Variants in GRIP1 observed in about 807,000 individuals in gnomAD.
The protein encoded by GRIP1 is glutamate receptor-interacting protein 1.
In GRIP1, 45 loss-of-function variants were observed where a neutral mutation model predicts 129.9. The observed-to-expected ratio is 0.35, with a 90% CI of 0.27 to 0.44. GRIP1 has a LOEUF of 0.44. Ranked by LOEUF, GRIP1 falls within the 20% of genes least tolerant of loss-of-function variation. The pLI is 1.00. For synonymous variants in GRIP1, 530 were observed against 520.8 expected, an observed-to-expected ratio of 1.02 and a Z score of -0.24; for missense variants, 1,196 against 1,396.8, an observed-to-expected ratio of 0.86 and a Z score of 2.29.
At chr12:66,553,690 G>A (rs982770758) in intron 2 of GRIP1, among the ~76,000 whole-genome samples, 14 of 151,984 alleles carry the variant, frequency 9.2e-5, no homozygotes, top group African/African-American at 2.7e-4. Context: ...TTGAATTGCC[G>A]ATGCCACCCC....
intron 23 of GRIP1, among the ~76,000 whole-genome samples, chr12:66,363,884 A>C (rs2054959096): frequency 6.6e-6 from 1 of 152,202 alleles, no homozygotes; most frequent in Non-Finnish European, 1.5e-5. Flanking sequence ...TGGCAGGAAT[A>C]AGTTCCGGTG....
At chr12:66,779,328 GAATTT>G (rs534693186) in intron 1 of GRIP1, among the ~76,000 whole-genome samples, 94 of 152,194 alleles carry the variant, frequency 6.2e-4, no homozygotes, top group African/African-American at 2.2e-3. Flanking sequence ...TTTAGTGGCT[GAATTT>G]ATTTTAATGG....
intron 1 of GRIP1, among the ~76,000 whole-genome samples, chr12:66,658,189 AG>A (rs1413733389): frequency 2.0e-5 from 3 of 152,242 alleles, no homozygotes; most frequent in Non-Finnish European, 4.4e-5. Flanking sequence ...TAAAGACAAA[AG>A]AAATCAATAA....
chr12:66,794,631 AT>A (rs958007205), intron 1 of GRIP1, among the ~76,000 whole-genome samples: 2 of 152,044 alleles, frequency 1.3e-5, no homozygotes, highest in African/African-American at 4.8e-5. Flanking sequence ...TGAGTTAGAC[AT>A]TTTCTCTCTT....
rs189736530 is a variant in GRIP1, at chr12:66,591,915, G to T, written c.136+4932C>A. Among the ~76,000 whole-genome samples, 88 of 152,208 alleles carry T rather than the reference G, an allele frequency of 5.8e-4. 3 individuals carry two copies. Among genetic ancestry groups the T allele is most frequent in the Admixed American group, 2.4e-3 (37 of 15,290 alleles). On this transcript the variant is annotated intron_variant, in intron 2 of 24. Transcript: ENST00000359742. ...TCTGGGATTATAGGTGTAAGCCACT[G>T]TTTCTGGCGTCACTCATTTTTTTGG...
At chr12:66,986,822 G>A (rs1046039815) in intron 1 of GRIP1, among the ~76,000 whole-genome samples, 2 of 146,954 alleles carry the variant, frequency 1.4e-5, no homozygotes, top group African/African-American at 2.5e-5. Context: ...AAAACTTAAA[G>A]TATAATAATA....
intron 2 of GRIP1, among the ~76,000 whole-genome samples, chr12:66,573,895 G>T (rs1258435366): frequency 6.6e-6 from 1 of 152,152 alleles, no homozygotes; most frequent in African/African-American, 2.4e-5. Context: ...TGCTGAGAGG[G>T]GGATCATGCT....
At chr12:66,675,118 A>G (rs1409790767) in intron 1 of GRIP1, among the ~76,000 whole-genome samples, 5 of 152,168 alleles carry the variant, frequency 3.3e-5, no homozygotes, top group Non-Finnish European at 7.4e-5. Flanking sequence ...GCTATGATGA[A>G]AAATGTTGAA....
rs191250335 is a variant in GRIP1 at position 66,610,075 on chromosome 12, T to G, written c.56-13148A>C. On this transcript the variant is annotated intron_variant, in intron 1 of 24. Coordinates refer to ENST00000359742, the MANE Select transcript of GRIP1 (RefSeq NM_001366722.1). ...CTAAGGCCTTAACTGAACCCCATTATATTTTGAAACATAATTTTTATGAAA... is the reference window on the plus strand; with the variant it reads ...CTAAGGCCTTAACTGAACCCCATTAGATTTTGAAACATAATTTTTATGAAA... Among the ~76,000 whole-genome samples, 4 of 152,282 alleles carry G rather than the reference T, an allele frequency of 2.6e-5. No individual in the cohort carries two copies. In the South Asian group the frequency reaches 8.3e-4, roughly 32 times the overall value.
In GRIP1 at chr12:66,846,683, G is replaced by T. The variant is rs116639042; in HGVS notation, c.58+222367C>A. Reference sequence around the variant, plus strand: ...ATCATCCAATAGTATACATTAAACAGGTGCAGACTTTGTGTATCAATTCTA... The same window carrying T: ...ATCATCCAATAGTATACATTAAACATGTGCAGACTTTGTGTATCAATTCTA... On this transcript the variant is annotated intron_variant, in intron 1 of 1. Transcript: ENST00000643019. 6.9e-3 allele frequency among the ~76,000 whole-genome samples: 1,054 copies of T among 152,268 alleles called. 18 individuals are homozygous for T. Among genetic ancestry groups the T allele is most frequent in the African/African-American group, 0.024 (1,006 of 41,554 alleles).
chr12:66,478,752 C>T (rs1022644634), intron 7 of GRIP1, among the ~76,000 whole-genome samples: 6 of 151,938 alleles, frequency 3.9e-5, no homozygotes, highest in African/African-American at 1.5e-4. Context: ...AGCTGGAAAC[C>T]ATCATTCTCA....
chr12:67,057,397 C>A (rs572527584), intron 1 of GRIP1, among the ~76,000 whole-genome samples: 1 of 149,028 alleles, frequency 6.7e-6, no homozygotes, highest in Non-Finnish European at 1.5e-5. Context: ...CCTCCAGGAA[C>A]CTGGCACCTT....
At chr12:66,756,143 T>C (rs2037280942) in intron 1 of GRIP1, among the ~76,000 whole-genome samples, 1 of 152,166 alleles carries the variant, frequency 6.6e-6, no homozygotes, top group African/African-American at 2.4e-5. Context: ...AACTCCTTCA[T>C]CTTGCAAAAC....
At chr12:66,968,970 G>T (rs1374594050) in intron 1 of GRIP1, among the ~76,000 whole-genome samples, 1 of 152,128 alleles carries the variant, frequency 6.6e-6, no homozygotes, top group Non-Finnish European at 1.5e-5. Context: ...TCCTTCACAT[G>T]TGAAGGATAA....
chr12:66,383,748 C>T (rs1355780832), intron 19 of GRIP1, among the ~76,000 whole-genome samples: 2 of 152,182 alleles, frequency 1.3e-5, no homozygotes, highest in African/African-American at 2.4e-5. Flanking sequence ...TCTTCTTCGT[C>T]CTTAGTACCA....
Position 66,974,559 on chromosome 12 carries a change from T to C in GRIP1, c.58+94491A>G, listed in dbSNP as rs565089280. Among the ~76,000 whole-genome samples, 18 of 152,308 alleles carry C rather than the reference T, an allele frequency of 1.2e-4. No homozygotes were observed. The East Asian group carries it at 2.7e-3, about 23-fold the overall frequency. ...AGTAAAAATGAACATAATTTTGACA[T>C]TGTCTAAACTAAAATTCCCATTTAA... On this transcript the variant is annotated intron_variant, in intron 1 of 1. Transcript: ENST00000643019.
chr12:66,731,727 G>A (rs1205337420), intron 1 of GRIP1, among the ~76,000 whole-genome samples: 1 of 152,146 alleles, frequency 6.6e-6, no homozygotes, highest in African/African-American at 2.4e-5. Flanking sequence ...TAATGCCACT[G>A]AACTGTATAC....
intron 1 of GRIP1, among the ~76,000 whole-genome samples, chr12:66,921,663 C>G (rs559073067): frequency 3.3e-5 from 5 of 152,318 alleles, no homozygotes; most frequent in African/African-American, 1.2e-4. Flanking sequence ...TAAACATGAA[C>G]TAGCAAAGAG....
At chr12:66,503,766 G>C (rs2220786) in intron 7 of GRIP1, among the ~76,000 whole-genome samples, 168 of 152,268 alleles carry the variant, frequency 1.1e-3, no homozygotes, top group Admixed American at 9.2e-3. Context: ...GCAGGCCTAA[G>C]GGAGAAAAGC....
Sources: gnomAD v4.1 joint callset for allele counts (sites outside exome capture counted in the v4.1 genomes callset) on GRCh38, gnomAD v4.1.1 for gene constraint, MANE v1.5 for transcripts, NCBI Gene and HGNC (gene_info 2026-07-23, HGNC 2026-07-21) for gene names.